Variants in SCN8A observed in about 807,000 individuals in gnomAD.
The protein encoded by SCN8A is sodium voltage-gated channel alpha subunit 8, also known as sodium channel protein type 8 subunit alpha.
In SCN8A, 30 loss-of-function variants were observed where a neutral mutation model predicts 184.1. The ratio of observed to expected loss-of-function variants is 0.16; its 90% CI spans 0.12 to 0.22. SCN8A has a LOEUF of 0.22. SCN8A is among the 10% of genes least tolerant of loss of function. The probability of loss-of-function intolerance (pLI) is 1.00; values close to 1 mark genes in which losing one functional copy is unlikely to be tolerated. For synonymous variants in SCN8A, 852 were observed against 907.0 expected, an observed-to-expected ratio of 0.94 and a Z score of 1.09; for missense variants, 1,057 against 2,498.9, an observed-to-expected ratio of 0.42 and a Z score of 12.30.
chr12:51,788,671 C>A, intron 22 of SCN8A, 24 bp from the exon 23 acceptor site: 3 of 1,600,330 alleles, frequency 1.9e-6, no homozygotes, highest in Admixed American at 1.7e-5. Flanking sequence ...TAGGCACCGT[C>A]TAATGACTGA....
intron 26 of SCN8A, among the ~76,000 whole-genome samples, chr12:51,794,879 A>T (rs537073736): frequency 6.6e-6 from 1 of 152,100 alleles, no homozygotes; most frequent in Admixed American, 6.6e-5. Context: ...GGCTCAGGGA[A>T]AAAAGAAAAA....
intron 1 of SCN8A, among the ~76,000 whole-genome samples, chr12:51,619,145 C>T (rs1939908295): frequency 1.3e-5 from 2 of 152,156 alleles, no homozygotes; most frequent in Admixed American, 1.3e-4. Context: ...ACTGTACACA[C>T]TATTATATAC....
chr12:51,629,593 A>C (rs538600121), intron 1 of SCN8A, among the ~76,000 whole-genome samples: 1,749 of 151,284 alleles, frequency 0.012, 9 homozygotes, highest in Admixed American at 0.016. Context: ...AAAAAAAAAA[A>C]AAAAAAAAAA....
chr12:51,697,003 CA>C (rs1941604258), intron 6 of SCN8A, among the ~76,000 whole-genome samples: 1 of 143,918 alleles, frequency 6.9e-6, no homozygotes, highest in Non-Finnish European at 1.5e-5. Context: ...CGTGCCATTG[CA>C]CTCCAGCCTG....
rs576431993 is a variant in SCN8A at position 51,757,952 on chromosome 12, T to C, written c.2371-4551T>C. Among the ~76,000 whole-genome samples, 33 of 152,392 alleles carry C rather than the reference T, an allele frequency of 2.2e-4. 6 individuals are homozygous for C. Among genetic ancestry groups the C allele is most frequent in the African/African-American group, 7.9e-4 (33 of 41,598 alleles). ...CTATGTCTATTGATATTTATCATGT[T>C]TGAAATTAAAACTGAGAAAATTTCT... On this transcript the variant is annotated intron_variant, in intron 14 of 26. Coordinates refer to ENST00000627620, the MANE Select transcript of SCN8A (RefSeq NM_001330260.2).
intron 21 of SCN8A, among the ~76,000 whole-genome samples, chr12:51,782,797 T>G (rs1289022354): frequency 1.3e-5 from 2 of 152,226 alleles, no homozygotes; most frequent in Admixed American, 6.5e-5. Flanking sequence ...ACCTCTTCCC[T>G]TTAGCTGCCC....
At chr12:51,648,303 A>G (rs1392137525) in intron 1 of SCN8A, among the ~76,000 whole-genome samples, 1 of 152,230 alleles carries the variant, frequency 6.6e-6, no homozygotes, top group Non-Finnish European at 1.5e-5. Context: ...CCTGGCCTCA[A>G]GAAACCCTCC....
chr12:51,766,182 A>G (rs1942834728), intron 16 of SCN8A, 155 bp downstream of exon 16: 9 of 691,518 alleles, frequency 1.3e-5, no homozygotes, highest in Admixed American at 2.2e-5. Flanking sequence ...GGTACAAATG[A>G]AGGAGAGGAG....
intron 6 of SCN8A, among the ~76,000 whole-genome samples, chr12:51,690,958 A>G (rs1941496357): frequency 6.6e-6 from 1 of 152,166 alleles, no homozygotes; most frequent in Admixed American, 6.5e-5. Flanking sequence ...TTAACTTACC[A>G]AGATTTAGTT....
chr12:51,684,113 T>G, intron 2 of SCN8A, 61 bp from the exon 3 acceptor site: 1 of 845,672 alleles, frequency 1.2e-6, no homozygotes. Context: ...TAGAAATCAT[T>G]GTTTCATGTG....
chr12:51,790,320 A>C, intron 24 of SCN8A, 78 bp from the exon 25 acceptor site: 1 of 949,882 alleles, frequency 1.1e-6, no homozygotes, highest in South Asian at 1.6e-5. Flanking sequence ...CTCAGTTCTC[A>C]GTATTGAACC....
At chr12:51,687,317 C>G in intron 5 of SCN8A, 98 bp downstream of exon 5, 3 of 1,360,692 alleles carry the variant, frequency 2.2e-6, no homozygotes, top group Non-Finnish European at 3.1e-6. Context: ...GTGGACACAG[C>G]TGTATGAGGA....
At chr12:51,595,175 TAAA>T (rs774158020) in intron 1 of SCN8A, among the ~76,000 whole-genome samples, 39 of 152,142 alleles carry the variant, frequency 2.6e-4, no homozygotes, top group Non-Finnish European at 4.4e-4. Flanking sequence ...AGCACCCGCT[TAAA>T]AAATAATACT....
At chr12:51,799,262 C>G (rs970284325) in intron 26 of SCN8A, among the ~76,000 whole-genome samples, 1 of 152,172 alleles carries the variant, frequency 6.6e-6, no homozygotes, top group Admixed American at 6.5e-5. Context: ...AGGACCTGCT[C>G]GAGCCCAATC....
At chr12:51,609,822 TGGGGAGG>T (rs1163894459) in intron 1 of SCN8A, among the ~76,000 whole-genome samples, 1 of 17,096 alleles carries the variant, frequency 5.8e-5, no homozygotes, top group Non-Finnish European at 1.1e-4. Context: ...TTGTGGGGTG[TGGGGAGG>T]GGGGAGGGGG....
intron 1 of SCN8A, among the ~76,000 whole-genome samples, chr12:51,649,403 C>G (rs537111817): frequency 2.0e-5 from 3 of 152,374 alleles, no homozygotes; most frequent in South Asian, 4.1e-4. Flanking sequence ...TCCAACCCCA[C>G]ATTTCCCCTC....
rs1478703038 is a variant in SCN8A, at chr12:51,718,709, TGATAA to T, written c.1636-2831_1636-2827del. On this transcript the variant is annotated intron_variant, in intron 11 of 26. Transcript: ENST00000627620. ...TTGATGAAAATATATTTAAATCATG[TGATAA>T]GATAAAATCATATTAAAAATAAATG... Among the ~76,000 whole-genome samples the T allele has an allele frequency of 4.0e-5, 6 of 151,394 alleles. No individual in the cohort carries two copies. The East Asian group carries it at 5.9e-4, about 15-fold the overall frequency.
chr12:51,613,907 G>C (rs1939776533), intron 1 of SCN8A, among the ~76,000 whole-genome samples: 1 of 152,064 alleles, frequency 6.6e-6, no homozygotes, highest in Admixed American at 6.5e-5. Context: ...TATGATTAGA[G>C]AGCATACTTT....
In SCN8A at chr12:51,727,289, A is replaced by G. The variant is rs181220741; in HGVS notation, c.1998+5381A>G. On this transcript the variant is annotated intron_variant, in intron 12 of 26. Transcript: ENST00000627620. ...TCAGTTACTGAGGGTTTTTCCTCCA[A>G]GGCTTCTTACAGGTTGAATTAAAAA... 1.4e-3 allele frequency among the ~76,000 whole-genome samples: 213 copies of G among 152,184 alleles called. 2 individuals are homozygous for G. Among genetic ancestry groups the G allele is most frequent in the Admixed American group, 0.014 (213 of 15,274 alleles).
Sources: allele counts gnomAD v4.1 joint callset (sites outside exome capture counted in the v4.1 genomes callset), GRCh38; gene constraint gnomAD v4.1.1; transcripts MANE v1.5; gene names NCBI Gene and HGNC (gene_info 2026-07-23, HGNC 2026-07-21).